The following ESYT3 variants were observed in gnomAD, a reference collection of about 807,000 sequenced individuals.
ESYT3 encodes the protein extended synaptotagmin 3.
A neutral mutation model predicts 111.5 loss-of-function variants in ESYT3; 101 were observed. That is an observed-to-expected ratio of 0.91 (90% confidence interval 0.77 to 1.07). The LOEUF (loss-of-function observed/expected upper bound fraction) is 1.07, where lower values mean the gene tolerates loss of function less well. Ranked by LOEUF, ESYT3 falls within the 50% of genes least tolerant of loss-of-function variation. The probability of loss-of-function intolerance (pLI) is 0.00; values close to 1 mark genes in which losing one functional copy is unlikely to be tolerated. For missense variants in ESYT3, 1,097 were observed against 1,109.4 expected (o/e 0.99, Z 0.16); for synonymous variants, 416 against 446.8 (o/e 0.93, Z 0.87).
chr3:138,468,297 C>A, intron 12 of ESYT3, 103 bp downstream of exon 12: 1 of 1,067,356 alleles, frequency 9.4e-7, no homozygotes, highest in Non-Finnish European at 1.4e-6. Flanking sequence ...CCCCTTCTTG[C>A]TCACCTCCTG....
At position 138,472,738 on chromosome 3, in the gene ESYT3, C is replaced by A; in HGVS notation, c.2116C>A (p.Pro706Thr). The stretch of plus-strand genomic sequence containing the variant: ...TCCAGGGCCCATCAAGTCACCCAGA[C>A]CCATGAAATGCCCTGCCTCCCCATT... The part of the protein sequence containing the change: ...HSPGPIKSPR[P>T]MKCPASPFAW... The change falls in exon 18 of 23, where the codon CCC (proline) becomes ACC (threonine). Residue 706 changes from proline (P) to threonine (T), a missense_variant. Transcript: ENST00000389567. The A allele has an allele frequency of 1.2e-6, 2 of 1,614,226 alleles. No homozygotes were observed. The highest frequency in any genetic ancestry group is 1.7e-6 in the Non-Finnish European group (2 of 1,180,038).
chr3:138,456,637 G>A (rs1245589895), intron 3 of ESYT3, among the ~76,000 whole-genome samples: 1 of 152,164 alleles, frequency 6.6e-6, no homozygotes, highest in Non-Finnish European at 1.5e-5. Flanking sequence ...ATTCTTATAG[G>A]AGCACAAACC....
At chr3:138,469,379 G>A (rs1560240028) in intron 14 of ESYT3, 57 bp from the exon 15 acceptor site, 1 of 1,495,104 alleles carries the variant, frequency 6.7e-7, no homozygotes, top group South Asian at 1.1e-5. Flanking sequence ...GGGTAGGACT[G>A]TCTCAAGCTG....
rs1161889762 is a variant in ESYT3 at position 138,474,296 on chromosome 3, A to G, written c.2412A>G (p.Ala804=). 5.0e-6 allele frequency: 8 copies of G among 1,609,422 alleles called. No individual in the cohort carries two copies. Among genetic ancestry groups the G allele is most frequent in the Admixed American group, 3.4e-5 (2 of 58,802 alleles). Residue 804 remains alanine (A), a synonymous_variant, in exon 20 of 23, where the codon GCA becomes GCG. Coordinates refer to ENST00000389567, the MANE Select transcript of ESYT3 (RefSeq NM_031913.5). ...RVYLLPERKW[A]CRKKTSVKRK... Reference sequence around the variant, plus strand: ...ACTTGTTGCCAGAAAGGAAGTGGGCATGTCGTAAGAAGACTTCAGTGAAGC... The same window carrying G: ...ACTTGTTGCCAGAAAGGAAGTGGGCGTGTCGTAAGAAGACTTCAGTGAAGC...
chr3:138,434,860 C>G lies in ESYT3; in HGVS notation c.62C>G (p.Pro21Arg). ...APSALGAQRT[P>R]GPELRLSSQL... ...AGCGCCCTGGGAGCCCAGCGCACGCCGGGCCCCGAGCTGCGCCTGTCCAGC... is the reference window on the plus strand; with the variant it reads ...AGCGCCCTGGGAGCCCAGCGCACGCGGGGCCCCGAGCTGCGCCTGTCCAGC... Residue 21 changes from proline (P) to arginine (R), a missense_variant, in exon 1 of 23, where the codon CCG becomes CGG. Transcript: ENST00000389567. The G allele has an allele frequency of 6.5e-7, 1 of 1,549,446 alleles. No individual in the cohort carries two copies. The highest frequency in any genetic ancestry group is 8.7e-7 in the Non-Finnish European group (1 of 1,146,812).
At chr3:138,469,919 T>C in intron 15 of ESYT3, 141 bp from the exon 16 acceptor site, 1 of 604,792 alleles carries the variant, frequency 1.7e-6, no homozygotes, top group Non-Finnish European at 2.8e-6. Flanking sequence ...TCCCACTAGC[T>C]GTAGCGTGTT....
chr3:138,454,659 T>A (rs2108608108), intron 2 of ESYT3, among the ~76,000 whole-genome samples: 1 of 152,346 alleles, frequency 6.6e-6, no homozygotes, highest in African/African-American at 2.4e-5. Context: ...TCCTCCCCTG[T>A]CTCTGCCATC....
Position 138,446,930 on chromosome 3 carries a change from G to A in ESYT3, c.328-5118G>A, listed in dbSNP as rs371462621. Among the ~76,000 whole-genome samples the A allele has an allele frequency of 9.2e-5, 14 of 152,304 alleles. 1 individual carries two copies. In the East Asian group the frequency reaches 1.7e-3, roughly 19 times the overall value. ...CATACCTGTAGTCCTAGCTACTCGG[G>A]AGGCTGAGGTGGGAGGATTGCTTGA... On this transcript the variant is annotated intron_variant, in intron 1 of 22. Transcript: ENST00000389567.
chr3:138,441,039 T>A (rs1459825954), intron 1 of ESYT3, among the ~76,000 whole-genome samples: 1 of 152,080 alleles, frequency 6.6e-6, no homozygotes, highest in African/African-American at 2.4e-5. Flanking sequence ...AAAGCATGGG[T>A]GAGGGGCTCT....
In ESYT3 at chr3:138,435,486, C is replaced by G. The variant is rs2030589614; in HGVS notation, c.327+361C>G. On this transcript the variant is annotated intron_variant, in intron 1 of 22. Transcript: ENST00000389567. The surrounding 1 kb of genome is among the most constrained non-coding windows in gnomAD (Gnocchi z 4.8). Reference sequence around the variant, plus strand: ...GGGTTGGAATCAGAAGGCATTTCTTCCACCCGCCTGTTGATTCAGAGAACG... The same window carrying G: ...GGGTTGGAATCAGAAGGCATTTCTTGCACCCGCCTGTTGATTCAGAGAACG... Among the ~76,000 whole-genome samples, 1 of 152,228 alleles carries G rather than the reference C, an allele frequency of 6.6e-6. No homozygotes were observed. The highest frequency in any genetic ancestry group is 2.4e-5 in the African/African-American group (1 of 41,460).
At chr3:138,463,585 A>G (rs996077530) in intron 8 of ESYT3, among the ~76,000 whole-genome samples, 2 of 152,222 alleles carry the variant, frequency 1.3e-5, no homozygotes, top group Non-Finnish European at 2.9e-5. Context: ...ATAGTAGTGT[A>G]ATGAATAGCC....
intron 7 of ESYT3, 39 bp downstream of exon 7, chr3:138,460,705 TG>T: frequency 6.2e-7 from 1 of 1,608,304 alleles, no homozygotes; most frequent in Non-Finnish European, 8.5e-7. Flanking sequence ...ATCATAAGTT[TG>T]GGGGCCTCCA....
Position 138,435,678 on chromosome 3 carries a change from T to TTCCC in ESYT3, c.327+565_327+568dup, listed in dbSNP as rs71637088. 2.2e-5 allele frequency among the ~76,000 whole-genome samples: 3 copies of TTCCC among 138,666 alleles called. No homozygotes were observed. The highest frequency in any genetic ancestry group is 5.0e-5 in the African/African-American group (2 of 39,950). The allele number at this position is 138,666 out of a possible 152,430, so 91.0% of individuals were successfully genotyped here. ...CGACGGCGCCGGGCCCCGGGCCTCC[T>TTCCC]TCCCTCCCTCCCTCCGCCGGATAGG... On this transcript the variant is annotated intron_variant, in intron 1 of 22. Coordinates refer to ENST00000389567, the MANE Select transcript of ESYT3 (RefSeq NM_031913.5). The surrounding 1 kb of genome is among the most constrained non-coding windows in gnomAD (Gnocchi z 4.8).
chr3:138,467,987 A>T, intron 11 of ESYT3, 118 bp from the exon 12 acceptor site: 1 of 836,492 alleles, frequency 1.2e-6, no homozygotes, highest in Non-Finnish European at 1.9e-6. Context: ...CTTTTCCCAT[A>T]CTAGGACAGG....
In ESYT3 at chr3:138,476,929, ACATC is replaced by A; in HGVS notation, c.*78_*81del. On this transcript the variant is annotated 3_prime_UTR_variant, in exon 23 of 23. Transcript: ENST00000389567. ...ATATATTTTTTCCTTTGGATCACTT[ACATC>A]CAATATATGTATATTTTGTCATTTA... 3.5e-6 allele frequency: 4 copies of A among 1,128,976 alleles called. No individual in the cohort carries two copies. The highest frequency in any genetic ancestry group is 5.1e-6 in the Non-Finnish European group (4 of 783,284). 69.9% of individuals were successfully genotyped at this position (1,128,976 alleles called of 1,614,324 possible).
chr3:138,454,858 G>A (rs2032174051), intron 2 of ESYT3, among the ~76,000 whole-genome samples: 1 of 152,224 alleles, frequency 6.6e-6, no homozygotes, highest in Non-Finnish European at 1.5e-5. Context: ...AAACCACAGT[G>A]TAGAATGAGA....
In ESYT3 at chr3:138,473,585, C is replaced by A. The variant is rs554792770; in HGVS notation, c.2287C>A (p.Arg763Ser). ...RQLGEIQLTVRYVCLRRCLSV... is the reference protein window; with the variant it reads ...RQLGEIQLTVSYVCLRRCLSV... The stretch of plus-strand genomic sequence containing the variant: ...GCTGGGTGAGATTCAGCTCACAGTG[C>A]GCTATGTGTGTCTGCGGCGCTGCCT... Residue 763 changes from arginine to serine, a missense_variant, in exon 19 of 23, where the codon CGC becomes AGC. Transcript: ENST00000389567. The A allele has an allele frequency of 6.2e-7, 1 of 1,613,838 alleles. No individual in the cohort carries two copies. Among genetic ancestry groups the A allele is most frequent in the East Asian group, 2.2e-5 (1 of 44,868 alleles).
chr3:138,478,415 C>T lies in ESYT3; in HGVS notation c.*1561C>T, dbSNP rs571622259. 2.0e-5 allele frequency: 3 copies of T among 152,256 alleles called. No homozygotes were observed. The highest frequency in any genetic ancestry group is 7.2e-5 in the African/African-American group (3 of 41,540). 9.4% of individuals were successfully genotyped at this position (152,256 alleles called of 1,614,324 possible). A position where few individuals can be genotyped will look rare whatever the true frequency, so the allele number is the denominator to read the frequency against. On this transcript the variant is annotated 3_prime_UTR_variant, in exon 23 of 23. Coordinates refer to ENST00000389567, the MANE Select transcript of ESYT3 (RefSeq NM_031913.5). The stretch of plus-strand genomic sequence containing the variant: ...TAATAAAATGGAGCATTGATGCCTA[C>T]CCTGTCTACCTTATGATGGCATTCT...
At chr3:138,473,021 G>A (rs887574289) in intron 18 of ESYT3, 162 bp downstream of exon 18, 2 of 1,468,430 alleles carry the variant, frequency 1.4e-6, no homozygotes, top group African/African-American at 1.4e-5. Flanking sequence ...CAGGACAAGG[G>A]AGAGAGAGCC....
Sources: allele counts gnomAD v4.1 joint callset (sites outside exome capture counted in the v4.1 genomes callset), GRCh38; gene constraint gnomAD v4.1.1; non-coding constraint Gnocchi (gnomAD v3.1); transcripts MANE v1.5; gene names NCBI Gene and HGNC (gene_info 2026-07-23, HGNC 2026-07-21).